The following EPB41L4A variants were observed in gnomAD, a reference collection of about 807,000 sequenced individuals.
The protein encoded by EPB41L4A is erythrocyte membrane protein band 4.1 like 4A.
A neutral mutation model predicts 108.6 loss-of-function variants in EPB41L4A; 100 were observed. The observed-to-expected ratio is 0.92, with a 90% CI of 0.78 to 1.09. The LOEUF is 1.09. Ranked by LOEUF, EPB41L4A falls within the 50% of genes least tolerant of loss-of-function variation. EPB41L4A has a pLI of 0.00. For missense variants in EPB41L4A, 1,030 were observed against 842.7 expected, an observed-to-expected ratio of 1.22 and a Z score of -2.75; for synonymous variants, 319 against 289.0, an observed-to-expected ratio of 1.10 and a Z score of -1.05.
chr5:112,345,598 C>G (rs149297169), intron 1 of EPB41L4A, among the ~76,000 whole-genome samples: 48 of 151,992 alleles, frequency 3.2e-4, no homozygotes, highest in African/African-American at 1.1e-3. Flanking sequence ...ATGAAATGTA[C>G]AAATCTTAAG....
chr5:112,388,850 G>C (rs1412651632), intron 1 of EPB41L4A, among the ~76,000 whole-genome samples: 4 of 152,160 alleles, frequency 2.6e-5, no homozygotes, highest in African/African-American at 7.2e-5. Context: ...CTCTGAGCCA[G>C]CCAGGCAGGA....
chr5:112,173,290 T>A (rs1032351120), intron 18 of EPB41L4A, among the ~76,000 whole-genome samples: 6 of 152,118 alleles, frequency 3.9e-5, no homozygotes, highest in African/African-American at 1.4e-4. Flanking sequence ...CAAAGCTGAA[T>A]GCTTTCAGGG....
chr5:112,311,285 T>G (rs536266166), intron 1 of EPB41L4A, among the ~76,000 whole-genome samples: 1 of 152,176 alleles, frequency 6.6e-6, no homozygotes, highest in Non-Finnish European at 1.5e-5. Flanking sequence ...AGTAACAGTA[T>G]AGAAAATTGG....
intron 1 of EPB41L4A, among the ~76,000 whole-genome samples, chr5:112,360,954 T>C (rs12522544): frequency 0.18 from 27,332 of 151,942 alleles, 2,594 homozygotes; most frequent in East Asian, 0.33. Context: ...GGAGCGTCTC[T>C]GACCGGCCGC....
intron 3 of EPB41L4A, among the ~76,000 whole-genome samples, chr5:112,275,996 T>G (rs925365538): frequency 7.2e-5 from 11 of 151,850 alleles, no homozygotes; most frequent in Non-Finnish European, 8.8e-5. Context: ...TATATTTGAG[T>G]TTTTTTTCCT....
intron 6 of EPB41L4A, among the ~76,000 whole-genome samples, chr5:112,263,244 G>C (rs1751620620): frequency 6.6e-6 from 1 of 152,190 alleles, no homozygotes; most frequent in Non-Finnish European, 1.5e-5. Flanking sequence ...AAGCGAGTGT[G>C]TGTGAGTGTG....
intron 1 of EPB41L4A, among the ~76,000 whole-genome samples, chr5:112,326,495 T>C (rs573842221): frequency 3.3e-5 from 5 of 152,320 alleles, no homozygotes; most frequent in African/African-American, 1.2e-4. Flanking sequence ...CCATCTGAAA[T>C]TTCTATAAAA....
At chr5:112,225,456 T>C (rs984726582) in intron 12 of EPB41L4A, among the ~76,000 whole-genome samples, 2 of 152,340 alleles carry the variant, frequency 1.3e-5, no homozygotes, top group East Asian at 1.9e-4. Context: ...TCTGAGCTTA[T>C]TGAGAATGTC....
chr5:112,267,567 G>A (rs567629337), intron 4 of EPB41L4A, among the ~76,000 whole-genome samples: 17 of 152,254 alleles, frequency 1.1e-4, no homozygotes, highest in South Asian at 8.3e-4. Context: ...TGGGAACAAC[G>A]TGTAATCATC....
At chr5:112,360,292 CTCCCCTT>C (rs371793172) in intron 1 of EPB41L4A, among the ~76,000 whole-genome samples, 1,555 of 152,264 alleles carry the variant, frequency 0.01, 16 homozygotes, top group African/African-American at 0.036. Flanking sequence ...CCTCTCCCCT[CTCCCCTT>C]TGCACGGTCT....
intron 15 of EPB41L4A, among the ~76,000 whole-genome samples, chr5:112,196,412 A>ACACT (rs1761968742): frequency 6.6e-6 from 1 of 152,248 alleles, no homozygotes; most frequent in South Asian, 2.1e-4. Flanking sequence ...TAAAATGCAT[A>ACACT]CACTAGGACC....
chr5:112,361,779 C>T (rs542403230), intron 1 of EPB41L4A, among the ~76,000 whole-genome samples: 2 of 151,688 alleles, frequency 1.3e-5, no homozygotes, highest in African/African-American at 2.4e-5. Context: ...CACATTTACT[C>T]GGGAGGCTGA....
chr5:112,323,398 T>C (rs955259304), intron 1 of EPB41L4A, among the ~76,000 whole-genome samples: 3 of 152,210 alleles, frequency 2.0e-5, no homozygotes, highest in Non-Finnish European at 4.4e-5. Flanking sequence ...CTATCTATAC[T>C]AGCATGACTT....
At chr5:112,312,588 G>T (rs1755120757) in intron 1 of EPB41L4A, among the ~76,000 whole-genome samples, 1 of 152,192 alleles carries the variant, frequency 6.6e-6, no homozygotes, top group Non-Finnish European at 1.5e-5. Context: ...ATACACACAT[G>T]AAAACCTCTT....
chr5:112,285,990 A>G (rs927160462), intron 2 of EPB41L4A, among the ~76,000 whole-genome samples: 1 of 152,038 alleles, frequency 6.6e-6, no homozygotes, highest in African/African-American at 2.4e-5. Flanking sequence ...TCCATCTTAC[A>G]CTCGGGCCAA....
chr5:112,189,718 C>A (rs1363237088), intron 17 of EPB41L4A, among the ~76,000 whole-genome samples: 1 of 152,152 alleles, frequency 6.6e-6, no homozygotes, highest in Admixed American at 6.5e-5. Flanking sequence ...ACCCACTCCT[C>A]CACATCTCCC....
chr5:112,355,164 C>G (rs895213992), intron 1 of EPB41L4A, among the ~76,000 whole-genome samples: 10 of 152,188 alleles, frequency 6.6e-5, no homozygotes, highest in Non-Finnish European at 2.9e-5. Context: ...TAATCTATTT[C>G]ATTAACTTGC....
chr5:112,389,743 T>A (rs1760803847), intron 1 of EPB41L4A, among the ~76,000 whole-genome samples: 1 of 152,164 alleles, frequency 6.6e-6, no homozygotes, highest in Admixed American at 6.5e-5. Context: ...AATTCCAGAA[T>A]TGCAAATAAA....
chr5:112,206,775 A>G (rs923406851), intron 13 of EPB41L4A, among the ~76,000 whole-genome samples: 1 of 152,220 alleles, frequency 6.6e-6, no homozygotes, highest in Non-Finnish European at 1.5e-5. Context: ...GAAGCTTGAG[A>G]GGAAAACTTT....
Sources: gnomAD v4.1 joint callset for allele counts (sites outside exome capture counted in the v4.1 genomes callset) on GRCh38, gnomAD v4.1.1 for gene constraint, MANE v1.5 for transcripts, NCBI Gene and HGNC (gene_info 2026-07-23, HGNC 2026-07-21) for gene names.